Variants in LMTK2 observed in about 807,000 individuals in gnomAD.
LMTK2 encodes serine/threonine-protein kinase LMTK2.
A neutral mutation model predicts 127.5 loss-of-function variants in LMTK2; 37 were observed. The observed-to-expected ratio is 0.29, with a 90% CI of 0.22 to 0.38. The LOEUF (loss-of-function observed/expected upper bound fraction) is 0.38, where lower values mean the gene tolerates loss of function less well. LMTK2 is among the 10% of genes least tolerant of loss of function. The probability of loss-of-function intolerance (pLI) is 1.00; values close to 1 mark genes in which losing one functional copy is unlikely to be tolerated. For synonymous variants in LMTK2, 819 were observed against 810.1 expected (o/e 1.01, Z -0.19); for missense variants, 1,694 against 1,920.3 (o/e 0.88, Z 2.20).
Position 98,194,204 on chromosome 7 carries a change from C to T in LMTK2, c.3739C>T (p.Leu1247=). 3.7e-6 allele frequency: 6 copies of T among 1,614,016 alleles called. No homozygotes were observed. Among genetic ancestry groups the T allele is most frequent in the Non-Finnish European group, 5.1e-6 (6 of 1,180,022 alleles). Reference sequence around the variant, plus strand: ...CACCAATTCTGCGCTGGACAAGTCCCTGTCCAGCCACTCCGAGGGCCCGAA... The same window carrying T: ...CACCAATTCTGCGCTGGACAAGTCCTTGTCCAGCCACTCCGAGGGCCCGAA... ...AYTNSALDKS[L]SSHSEGPKLK... is the part of the protein sequence containing the mutation. The change falls in exon 11 of 14, where the codon CTG becomes TTG. Residue 1247 remains leucine, a synonymous_variant. Transcript: ENST00000297293. The surrounding 1 kb of genome is among the most constrained non-coding windows in gnomAD (Gnocchi z 5.4).
chr7:98,168,105 A>G (rs1452082493), intron 6 of LMTK2, among the ~76,000 whole-genome samples: 1 of 151,898 alleles, frequency 6.6e-6, no homozygotes, highest in East Asian at 1.9e-4. Context: ...TTCCTGAACA[A>G]GGAGCCAGGA....
intron 11 of LMTK2, among the ~76,000 whole-genome samples, chr7:98,198,970 T>C (rs1797671089): frequency 6.6e-6 from 1 of 152,122 alleles, no homozygotes; most frequent in Non-Finnish European, 1.5e-5. Flanking sequence ...TACTAATAAT[T>C]GGTTAATATA....
rs200365227 is a variant in LMTK2, at chr7:98,204,110, C to T, written c.4407C>T (p.Ser1469=). Residue 1469 remains serine, a synonymous_variant, in exon 13 of 14, where the codon TCC becomes TCT. Coordinates refer to ENST00000297293, the MANE Select transcript of LMTK2 (RefSeq NM_014916.4). The part of the protein sequence containing the change: ...EQSWPHSAPY[S]RFSISPANIA... The stretch of plus-strand genomic sequence containing the variant: ...GCTGGCCGCACTCGGCGCCTTACTC[C>T]CGGTTCTCCATCTCTCCCGCCAACA... The T allele has an allele frequency of 7.4e-6, 12 of 1,612,978 alleles. No individual in the cohort carries two copies. In the African/African-American group the frequency reaches 1.1e-4, roughly 14 times the overall value.
At chr7:98,188,210 T>C (rs1797470011) in intron 9 of LMTK2, among the ~76,000 whole-genome samples, 1 of 152,144 alleles carries the variant, frequency 6.6e-6, no homozygotes, top group Non-Finnish European at 1.5e-5. Flanking sequence ...TTCTATGAGA[T>C]CAACCTTTTT....
At chr7:98,136,917 C>T (rs1198490180) in intron 1 of LMTK2, among the ~76,000 whole-genome samples, 2 of 152,096 alleles carry the variant, frequency 1.3e-5, no homozygotes, top group Admixed American at 6.5e-5. Context: ...TTAAATGCAA[C>T]GTTGGTAGTT....
At chr7:98,142,118 A>T (rs753601075) in intron 3 of LMTK2, among the ~76,000 whole-genome samples, 10 of 152,082 alleles carry the variant, frequency 6.6e-5, no homozygotes, top group Non-Finnish European at 1.3e-4. Flanking sequence ...TTATTCTGTG[A>T]TTAAAATAAT....
intron 1 of LMTK2, among the ~76,000 whole-genome samples, chr7:98,109,760 AAAAG>A (rs997913008): frequency 3.8e-4 from 58 of 151,820 alleles, no homozygotes; most frequent in Non-Finnish European, 6.2e-4. Context: ...AAAAAAAAAA[AAAAG>A]AAAGGAAGAT....
intron 2 of LMTK2, among the ~76,000 whole-genome samples, chr7:98,141,156 A>T (rs1009821461): frequency 2.0e-5 from 3 of 151,998 alleles, no homozygotes; most frequent in Non-Finnish European, 4.4e-5. Flanking sequence ...TGTAAATTCC[A>T]TTGCATTTAA....
intron 11 of LMTK2, among the ~76,000 whole-genome samples, chr7:98,202,384 C>G (rs1218799109): frequency 6.6e-6 from 1 of 152,118 alleles, no homozygotes; most frequent in Non-Finnish European, 1.5e-5. Context: ...AGTCCTTTTT[C>G]AGATAATTCC....
intron 9 of LMTK2, 77 bp downstream of exon 9, chr7:98,187,075 A>AAG: frequency 7.4e-7 from 1 of 1,357,016 alleles, no homozygotes; most frequent in Non-Finnish European, 1.0e-6. Flanking sequence ...TACTTCCTTA[A>AAG]AGGAAAGTAG....
chr7:98,204,706 G>A (rs753770681), intron 13 of LMTK2, among the ~76,000 whole-genome samples: 1 of 152,260 alleles, frequency 6.6e-6, no homozygotes, highest in Non-Finnish European at 1.5e-5. Context: ...TCACTCTCAG[G>A]CTCGTTACCG....
intron 7 of LMTK2, among the ~76,000 whole-genome samples, chr7:98,180,969 A>G (rs899403178): frequency 6.6e-6 from 1 of 151,990 alleles, no homozygotes; most frequent in African/African-American, 2.4e-5. Flanking sequence ...GGAGGGGAGG[A>G]GGAGGAGGAT....
rs1320588986 is a variant in LMTK2 at position 98,193,814 on chromosome 7, T to A, written c.3349T>A (p.Ser1117Thr). ...SDNDSEPEKR[S>T]EEVPGTSPSA... ...CAATGACTCTGAGCCCGAGAAAAGG[T>A]CTGAGGAGGTCCCGGGAACCTCCCC... Residue 1117 changes from serine (S) to threonine (T), a missense_variant, in exon 11 of 14, where the codon TCT becomes ACT. Around this residue, in one of 8 missense-constraint regions of LMTK2, gnomAD observed 554 missense variants for 567.7 expected, o/e 0.98. Coordinates refer to ENST00000297293, the MANE Select transcript of LMTK2 (RefSeq NM_014916.4). The surrounding 1 kb of genome is among the most constrained non-coding windows in gnomAD (Gnocchi z 4.1). 6.2e-7 allele frequency: 1 copy of A among 1,613,518 alleles called. No homozygotes were observed. Among genetic ancestry groups the A allele is most frequent in the East Asian group, 2.2e-5 (1 of 44,866 alleles).
At chr7:98,121,920 A>G (rs1796367155) in intron 1 of LMTK2, among the ~76,000 whole-genome samples, 1 of 151,976 alleles carries the variant, frequency 6.6e-6, no homozygotes, top group Non-Finnish European at 1.5e-5. Context: ...TGGGAGGATC[A>G]CTTGAGCCTG....
At chr7:98,151,297 C>T in intron 3 of LMTK2, 85 bp from the exon 4 acceptor site, 1 of 850,540 alleles carries the variant, frequency 1.2e-6, no homozygotes, top group Non-Finnish European at 1.8e-6. Flanking sequence ...TTGCACAAGC[C>T]TTTATGTTAG....
Position 98,205,514 on chromosome 7 carries a change from C to G in LMTK2, c.*22C>G, listed in dbSNP as rs762363044. 1.9e-6 allele frequency: 3 copies of G among 1,611,542 alleles called. No homozygotes were observed. Among genetic ancestry groups the G allele is most frequent in the Non-Finnish European group, 1.7e-6 (2 of 1,179,864 alleles). Reference sequence around the variant, plus strand: ...CTAGGTGGCTGCCAACGCGCACGCTCGGGTCCGAGGCTGCTCCCCTGGAGC... The same window carrying G: ...CTAGGTGGCTGCCAACGCGCACGCTGGGGTCCGAGGCTGCTCCCCTGGAGC... On this transcript the variant is annotated 3_prime_UTR_variant, in exon 14 of 14. Transcript: ENST00000297293.
chr7:98,159,293 A>G (rs1301986140), intron 5 of LMTK2, 45 bp from the exon 6 acceptor site: 1 of 1,268,218 alleles, frequency 7.9e-7, no homozygotes, highest in African/African-American at 1.5e-5. Flanking sequence ...TAATGTTATT[A>G]TCATGCTTCC....
At chr7:98,180,528 T>C (rs1357838986) in intron 7 of LMTK2, among the ~76,000 whole-genome samples, 1 of 152,086 alleles carries the variant, frequency 6.6e-6, no homozygotes, top group African/African-American at 2.4e-5. Context: ...TGTCAAATTG[T>C]GTGTTTTTGA....
rs375404038 is a variant in LMTK2 at position 98,193,699 on chromosome 7, C to T, written c.3234C>T (p.Ala1078=). The part of the protein sequence containing the change: ...PPNPVIVISD[A]GDGHRGTEVT... ...ACCCGGTCATTGTCATCTCAGATGC[C>T]GGCGATGGTCACAGAGGCACAGAAG... The change falls in exon 11 of 14, where the codon GCC becomes GCT. Residue 1078 remains alanine (A), a synonymous_variant. Transcript: ENST00000297293. This position sits in a 1 kb window ranked among gnomAD's most constrained non-coding sequence, Gnocchi z 4.1. The T allele has an allele frequency of 9.9e-6, 16 of 1,613,850 alleles. No homozygotes were observed. The highest frequency in any genetic ancestry group is 6.7e-5 in the African/African-American group (5 of 75,012).
Sources: allele counts gnomAD v4.1 joint callset (sites outside exome capture counted in the v4.1 genomes callset), GRCh38; gene constraint gnomAD v4.1.1; regional missense constraint gnomAD v4.1.1; non-coding constraint Gnocchi (gnomAD v3.1); transcripts MANE v1.5; gene names NCBI Gene and HGNC (gene_info 2026-07-23, HGNC 2026-07-21).